The following PTK2 variants were observed in gnomAD, a reference collection of about 807,000 sequenced individuals.
The protein encoded by PTK2 is focal adhesion kinase 1.
In PTK2, 45 loss-of-function variants were observed where a neutral mutation model predicts 150.1. The ratio of observed to expected loss-of-function variants is 0.30; its 90% CI spans 0.24 to 0.38. The LOEUF is 0.38. Among genes scored for constraint, PTK2 ranks in the 10% least tolerant of loss-of-function variants. PTK2 has a pLI of 1.00. For missense variants in PTK2, 919 were observed against 1,307.3 expected (o/e 0.70, Z 4.58); for synonymous variants, 432 against 449.2 (o/e 0.96, Z 0.48).
chr8:140,701,059 T>A lies in PTK2; in HGVS notation c.2368-37A>T, dbSNP rs758370324. ...GTTGAAAACAGCATATTCAGTCTCA[T>A]AAGTCTATTCCTATGCTCTTACCTT... On this transcript the variant is annotated intron_variant, in intron 25 of 31. Coordinates refer to ENST00000522684, the Ensembl canonical transcript of PTK2. The A allele has an allele frequency of 1.5e-5, 24 of 1,602,656 alleles. 2 individuals are homozygous for A. In the South Asian group the frequency reaches 2.7e-4, roughly 18 times the overall value.
chr8:140,865,426 T>C (rs578141270), intron 4 of PTK2, among the ~76,000 whole-genome samples: 13 of 152,334 alleles, frequency 8.5e-5, no homozygotes, highest in African/African-American at 3.1e-4. Flanking sequence ...TCACCACCTA[T>C]TGATTTGTAG....
In PTK2 at chr8:140,836,654, G is replaced by A. The variant is rs73373549; in HGVS notation, c.594-6128C>T. 4.0e-3 allele frequency among the ~76,000 whole-genome samples: 608 copies of A among 152,168 alleles called. 9 individuals carry two copies. Among genetic ancestry groups the A allele is most frequent in the African/African-American group, 0.014 (582 of 41,512 alleles). On this transcript the variant is annotated intron_variant, in intron 7 of 31. Coordinates refer to ENST00000522684, the Ensembl canonical transcript of PTK2. ...CAAGAAAAATGAAAACAAGTACAGC[G>A]ATAACTAAGCTCAGCTAATTTTAAA... is the stretch of plus-strand genomic sequence containing the variant.
intron 4 of PTK2, among the ~76,000 whole-genome samples, chr8:140,878,704 C>T (rs1343564844): frequency 6.6e-6 from 1 of 152,068 alleles, no homozygotes; most frequent in Non-Finnish European, 1.5e-5. Context: ...CACTCTTCAG[C>T]CTACAATTAT....
At chr8:140,805,799 C>A (rs2100097843) in intron 10 of PTK2, among the ~76,000 whole-genome samples, 1 of 152,132 alleles carries the variant, frequency 6.6e-6, no homozygotes, top group Non-Finnish European at 1.5e-5. Context: ...TTCCCTTCAT[C>A]CATGCTACTA....
chr8:140,995,381 CAAA>C (rs34527935), intron 1 of PTK2, among the ~76,000 whole-genome samples: 6 of 92,374 alleles, frequency 6.5e-5, no homozygotes, highest in Admixed American at 2.7e-4. Context: ...GACTCCGTCT[CAAA>C]AAAAAAAAAA....
At chr8:140,841,799 C>A (rs1483996613) in intron 7 of PTK2, among the ~76,000 whole-genome samples, 1 of 151,556 alleles carries the variant, frequency 6.6e-6, no homozygotes, top group Non-Finnish European at 1.5e-5. Context: ...TTAAAAATGG[C>A]CATATATGTG....
At chr8:140,847,441 G>A (rs1006596575) in intron 5 of PTK2, among the ~76,000 whole-genome samples, 5 of 152,144 alleles carry the variant, frequency 3.3e-5, no homozygotes, top group African/African-American at 1.2e-4. Flanking sequence ...CTGTCACTGT[G>A]AACACATTTT....
intron 1 of PTK2, among the ~76,000 whole-genome samples, chr8:141,000,132 CT>C (rs2100199502): frequency 6.7e-6 from 1 of 149,696 alleles, no homozygotes; most frequent in Admixed American, 6.7e-5. Context: ...CACACCCCTT[CT>C]TCTAAGAAAG....
At chr8:140,745,747 C>T (rs535318374) in intron 18 of PTK2, among the ~76,000 whole-genome samples, 1 of 152,316 alleles carries the variant, frequency 6.6e-6, no homozygotes, top group Non-Finnish European at 1.5e-5. Flanking sequence ...CACCTGTAAT[C>T]CCAGCACTTT....
At chr8:140,912,726 C>T (rs573755858) in intron 2 of PTK2, among the ~76,000 whole-genome samples, 17 of 152,028 alleles carry the variant, frequency 1.1e-4, no homozygotes, top group African/African-American at 3.9e-4. Context: ...TTTGGGAGGC[C>T]GAGGCGGGCG....
intron 8 of PTK2, among the ~76,000 whole-genome samples, chr8:140,825,652 C>T (rs981127456): frequency 2.0e-5 from 3 of 152,170 alleles, no homozygotes; most frequent in African/African-American, 7.2e-5. Flanking sequence ...GGTAGGACAA[C>T]ATTCACTGAA....
chr8:140,788,313 G>A (rs2100086209), intron 14 of PTK2, among the ~76,000 whole-genome samples: 1 of 152,076 alleles, frequency 6.6e-6, no homozygotes, highest in Admixed American at 6.6e-5. Flanking sequence ...GAGTATCTCT[G>A]CCAAGTGTAC....
chr8:140,971,269 A>G (rs1197809794), intron 1 of PTK2, among the ~76,000 whole-genome samples: 29 of 151,408 alleles, frequency 1.9e-4, no homozygotes, highest in Admixed American at 7.3e-4. Flanking sequence ...AAAAATTATG[A>G]AAGTATTATG....
chr8:140,733,170 A>G (rs1318015817), intron 22 of PTK2, among the ~76,000 whole-genome samples: 1 of 152,164 alleles, frequency 6.6e-6, no homozygotes, highest in Non-Finnish European at 1.5e-5. Context: ...CAAGGAGTGA[A>G]GCATGACTCC....
intron 27 of PTK2, among the ~76,000 whole-genome samples, chr8:140,681,642 T>A (rs1349997069): frequency 1.3e-5 from 2 of 151,804 alleles, no homozygotes; most frequent in African/African-American, 2.4e-5. Context: ...CCGGGCGTGG[T>A]GGCGGGCGCC....
intron 26 of PTK2, among the ~76,000 whole-genome samples, chr8:140,697,852 GTTTTTTTT>G (rs71308981): frequency 1.0e-4 from 5 of 47,968 alleles, no homozygotes; most frequent in Non-Finnish European, 1.4e-4. Flanking sequence ...AGGGTTTACT[GTTTTTTTT>G]TTTTTTTTTT....
At chr8:140,932,015 T>C (rs944631638) in intron 1 of PTK2, among the ~76,000 whole-genome samples, 1 of 151,696 alleles carries the variant, frequency 6.6e-6, no homozygotes, top group Non-Finnish European at 1.5e-5. Flanking sequence ...TTAGATATTA[T>C]GTCAAGACAA....
At chr8:140,796,080 G>C (rs1411410555) in intron 12 of PTK2, among the ~76,000 whole-genome samples, 1 of 152,162 alleles carries the variant, frequency 6.6e-6, no homozygotes, top group Non-Finnish European at 1.5e-5. Flanking sequence ...GCTGCCCAAA[G>C]GCATCCCTAA....
At chr8:140,697,137 G>GA (rs869273609) in intron 26 of PTK2, among the ~76,000 whole-genome samples, 1 of 46,460 alleles carries the variant, frequency 2.2e-5, no homozygotes, top group African/African-American at 9.6e-5. Flanking sequence ...CTGTTTCCGG[G>GA]AAAAAAAAAA....
Sources: allele counts gnomAD v4.1 joint callset (sites outside exome capture counted in the v4.1 genomes callset), GRCh38; gene constraint gnomAD v4.1.1; transcripts MANE v1.5; gene names NCBI Gene and HGNC (gene_info 2026-07-23, HGNC 2026-07-21).